The following CNGB3 variants were observed in gnomAD, a reference collection of about 807,000 sequenced individuals.
CNGB3 encodes cyclic nucleotide-gated channel beta-3.
CNGB3 carries 86 observed loss-of-function variants against 92.8 expected under a neutral mutation model. The ratio of observed to expected loss-of-function variants is 0.93; its 90% confidence interval spans 0.78 to 1.11. CNGB3 has a LOEUF of 1.11. Among genes scored for constraint, CNGB3 ranks in the 50% least tolerant of loss-of-function variants. The pLI, the probability that CNGB3 is intolerant of heterozygous loss-of-function variation, is 0.00. For synonymous variants in CNGB3, 333 were observed against 332.7 expected, an observed-to-expected ratio of 1.00 and a Z score of -0.01; for missense variants, 1,026 against 956.8, an observed-to-expected ratio of 1.07 and a Z score of -0.95.
Position 86,699,495 on chromosome 8 carries a change from TA to T in CNGB3, c.338+27035del, listed in dbSNP as rs1824512305. Among the ~76,000 whole-genome samples the T allele has an allele frequency of 2.0e-5, 3 of 152,102 alleles. No homozygotes were observed. In the South Asian group the frequency reaches 6.2e-4, roughly 32 times the overall value. On this transcript the variant is annotated intron_variant, in intron 3 of 17. Transcript: ENST00000320005. ...GTCTCTCTCTCTCAAAAATAATACA[TA>T]AAAAAGACTACTGAATGTTAATATA...
chr8:86,644,775 GA>G, intron 8 of CNGB3, 89 bp from the exon 9 acceptor site: 1 of 900,380 alleles, frequency 1.1e-6, no homozygotes, highest in Non-Finnish European at 1.5e-6. Flanking sequence ...TTTTATTACT[GA>G]AAATAATTTC....
intron 7 of CNGB3, among the ~76,000 whole-genome samples, chr8:86,649,924 A>G (rs1482549625): frequency 6.6e-6 from 1 of 151,784 alleles, no homozygotes; most frequent in Admixed American, 6.6e-5. Flanking sequence ...TCCAGAATCT[A>G]CAAGGAACTC....
chr8:86,632,607 C>G (rs1822983700), intron 11 of CNGB3, 145 bp downstream of exon 11: 3 of 805,208 alleles, frequency 3.7e-6, no homozygotes, highest in Admixed American at 5.3e-5. Flanking sequence ...ATCACATCCT[C>G]CTTCAACTCA....
rs776896038 is a variant in CNGB3, at chr8:86,632,786, G to GA, written c.1285dup (p.Ser429PhefsTer33). The GA allele has an allele frequency of 4.3e-6, 7 of 1,612,376 alleles. No homozygotes were observed. The Admixed American group carries it at 5.0e-5, about 12-fold the overall frequency. On this transcript the variant is annotated frameshift_variant, in exon 11 of 18. Transcript: ENST00000320005. LOFTEE classifies it high-confidence loss of function. ...TAAACTGGAGAACACAAAAACTCCA[G>GA]AAAAAAAATTCAAGAGTTGAAAAAC...
chr8:86,647,887 A>C lies in CNGB3; in HGVS notation c.904T>G (p.Leu302Val). The change falls in exon 8 of 18, where the codon TTG becomes GTG. Residue 302 changes from leucine to valine, a missense_variant and splice_region_variant. Coordinates refer to ENST00000320005, the MANE Select transcript of CNGB3 (RefSeq NM_019098.5). ...AATGGTATTATTGATGCGACATCCA[A>C]CTGTTGAAAGAACACATTCACAAAT... ...KHYRTSTKFQ[L>V]DVASIIPFDI... 6.4e-7 allele frequency: 1 copy of C among 1,574,308 alleles called. No individual in the cohort carries two copies.
At chr8:86,682,750 C>T (rs1041018742) in intron 3 of CNGB3, among the ~76,000 whole-genome samples, 3 of 152,066 alleles carry the variant, frequency 2.0e-5, no homozygotes, top group African/African-American at 7.2e-5. Flanking sequence ...AATGCAAAAT[C>T]GCATGTGAGG....
At chr8:86,577,930 G>A (rs1392705960) in intron 17 of CNGB3, among the ~76,000 whole-genome samples, 1 of 152,088 alleles carries the variant, frequency 6.6e-6, no homozygotes, top group African/African-American at 2.4e-5. Context: ...TGTTTTTTGA[G>A]ACAGAGTATT....
At chr8:86,610,770 C>A (rs1045739639) in intron 14 of CNGB3, among the ~76,000 whole-genome samples, 1 of 152,098 alleles carries the variant, frequency 6.6e-6, no homozygotes, top group African/African-American at 2.4e-5. Context: ...GGTCATCATT[C>A]CTTTCCTCTC....
At chr8:86,651,402 A>C (rs955454115) in intron 7 of CNGB3, among the ~76,000 whole-genome samples, 1 of 151,908 alleles carries the variant, frequency 6.6e-6, no homozygotes. Context: ...TATTATAAAC[A>C]AATTACTTAC....
At chr8:86,638,955 T>C (rs1348831258) in intron 10 of CNGB3, among the ~76,000 whole-genome samples, 3 of 151,820 alleles carry the variant, frequency 2.0e-5, no homozygotes, top group Non-Finnish European at 4.4e-5. Context: ...TTTCCTTCTC[T>C]CTCTCTGCCA....
chr8:86,668,972 C>G (rs1032526553), intron 4 of CNGB3, among the ~76,000 whole-genome samples: 4 of 152,118 alleles, frequency 2.6e-5, no homozygotes, highest in African/African-American at 9.7e-5. Context: ...TCAGCTATGA[C>G]TGTGCCACTG....
Position 86,578,712 on chromosome 8 carries a change from A to G in CNGB3, c.2080T>C (p.Leu694=), listed in dbSNP as rs1821703877. 5 of 1,613,990 alleles carry G rather than the reference A, an allele frequency of 3.1e-6. No individual in the cohort carries two copies. The highest frequency in any genetic ancestry group is 1.7e-5 in the Admixed American group (1 of 59,998). The part of the protein sequence containing the change: ...GKASLARLLK[L]KREQAAQKKE... ...ACCTGAGCTGCTTGCTCTCGCTTCAATTTGAGTAGTCTTGCAAGACTTGCT... is the reference window on the plus strand; with the variant it reads ...ACCTGAGCTGCTTGCTCTCGCTTCAGTTTGAGTAGTCTTGCAAGACTTGCT... Residue 694 remains leucine (L), a synonymous_variant, in exon 17 of 18, where the codon TTG becomes CTG. Coordinates refer to ENST00000320005, the MANE Select transcript of CNGB3 (RefSeq NM_019098.5).
chr8:86,643,764 C>T lies in CNGB3; in HGVS notation c.1165G>A (p.Gly389Arg). 5 of 1,605,486 alleles carry T rather than the reference C, an allele frequency of 3.1e-6. No individual in the cohort carries two copies. The highest frequency in any genetic ancestry group is 4.3e-6 in the Non-Finnish European group (5 of 1,174,900). ...GIGTTRWVYDGEGNEYLRCYY... is the reference protein window; with the variant it reads ...GIGTTRWVYDREGNEYLRCYY... ...ATCAGAACTTACTCGTTTCCTTCCC[C>T]ATCATACACCCATCTAGTAGTGCCA... Residue 389 changes from glycine to arginine, a missense_variant, in exon 10 of 18, where the codon GGG becomes AGG. By Grantham distance (125) the Gly-to-Arg change is moderately radical. Coordinates refer to ENST00000320005, the MANE Select transcript of CNGB3 (RefSeq NM_019098.5).
chr8:86,660,685 C>T (rs1469229214), intron 6 of CNGB3: 3 of 530,638 alleles, frequency 5.7e-6, no homozygotes, highest in Non-Finnish European at 1.2e-5. Context: ...AGCTACAGCC[C>T]TGTTTTGTGA....
At chr8:86,636,077 AC>A (rs1428780550) in intron 10 of CNGB3, among the ~76,000 whole-genome samples, 3 of 151,776 alleles carry the variant, frequency 2.0e-5, no homozygotes, top group African/African-American at 7.3e-5. Flanking sequence ...CCTAGATTCT[AC>A]CATTAACATT....
intron 3 of CNGB3, among the ~76,000 whole-genome samples, chr8:86,680,157 A>AATT (rs1293287827): frequency 6.6e-6 from 1 of 152,224 alleles, no homozygotes; most frequent in African/African-American, 2.4e-5. Flanking sequence ...GCAGGTGAAA[A>AATT]ATTAGATCAA....
At chr8:86,659,038 G>A in intron 6 of CNGB3, 1 of 973,696 alleles carries the variant, frequency 1.0e-6, no homozygotes, top group Non-Finnish European at 1.6e-6. Context: ...TCCACTTATA[G>A]CTGCTGCTCC....
chr8:86,689,808 C>G (rs184801893), intron 3 of CNGB3, among the ~76,000 whole-genome samples: 29 of 151,786 alleles, frequency 1.9e-4, no homozygotes, highest in Admixed American at 5.9e-4. Context: ...TGAGAACATG[C>G]GGTGTTTGGT....
chr8:86,721,416 A>G (rs2131667518), intron 3 of CNGB3, among the ~76,000 whole-genome samples: 1 of 152,256 alleles, frequency 6.6e-6, no homozygotes, highest in Middle Eastern at 3.4e-3. Context: ...CTATGGGGAA[A>G]GAGTGGGAAG....
Sources: allele counts gnomAD v4.1 joint callset (sites outside exome capture counted in the v4.1 genomes callset), GRCh38; gene constraint gnomAD v4.1.1; transcripts MANE v1.5; gene names NCBI Gene and HGNC (gene_info 2026-07-23, HGNC 2026-07-21).